Variants in CEP170B observed in about 807,000 individuals in gnomAD.
CEP170B encodes centrosomal protein of 170 kDa protein B.
Under a neutral mutation model 120.6 loss-of-function variants are expected in CEP170B, and 55 were observed. The ratio of observed to expected loss-of-function variants is 0.46; its 90% CI spans 0.37 to 0.57. CEP170B has a LOEUF of 0.57. Among genes scored for constraint, CEP170B ranks in the 20% least tolerant of loss-of-function variants. The pLI, the probability that CEP170B is intolerant of heterozygous loss-of-function variation, is 0.00. For synonymous variants in CEP170B, 1,033 were observed against 954.5 expected (o/e 1.08, Z -1.52); for missense variants, 2,212 against 2,253.3 (o/e 0.98, Z 0.37).
In CEP170B at chr14:104,884,515, C is replaced by T. The variant is rs201146556; in HGVS notation, c.1736C>T (p.Thr579Met). 185 of 1,564,322 alleles carry T rather than the reference C, an allele frequency of 1.2e-4. 1 individual carries two copies. The highest frequency in any genetic ancestry group is 3.4e-4 in the Middle Eastern group (2 of 5,934). ...ACCATCGAGACCGAGGCGCAGGACA[C>T]GGAGGTGGAGGAGGCCCGGAAGATG... is the stretch of plus-strand genomic sequence containing the variant. ...TYTIETEAQD[T>M]EVEEARKMID... Residue 579 changes from threonine (T) to methionine (M), a missense_variant, in exon 9 of 19, where the codon ACG (threonine) becomes ATG (methionine). Thr to Met is a moderately conservative substitution (Grantham distance 81). Transcript: ENST00000414716.
intron 3 of CEP170B, 49 bp from the exon 4 acceptor site, chr14:104,877,836 A>AGCCCCCCCCCCCCCC: frequency 4.2e-6 from 1 of 237,070 alleles, no homozygotes; most frequent in Non-Finnish European, 6.7e-6. Flanking sequence ...GCCCACAGCC[A>AGCCCCCCCCCCCCCC]CCCACCCGCG....
chr14:104,895,022 A>G lies in CEP170B; in HGVS notation c.*64A>G, dbSNP rs901090894. On this transcript the variant is annotated 3_prime_UTR_variant, in exon 19 of 19. Transcript: ENST00000414716. Reference sequence around the variant, plus strand: ...CGTCTCTGCCTTCCGTCCGCCGCACACCCGCCTGCCTGGCCGCAGGTGGTT... The same window carrying G: ...CGTCTCTGCCTTCCGTCCGCCGCACGCCCGCCTGCCTGGCCGCAGGTGGTT... The G allele has an allele frequency of 6.9e-6, 10 of 1,440,792 alleles. No homozygotes were observed. The highest frequency in any genetic ancestry group is 9.2e-6 in the Non-Finnish European group (10 of 1,091,312). 89.3% of individuals were successfully genotyped at this position (1,440,792 alleles called of 1,614,324 possible).
chr14:104,886,283 C>T lies in CEP170B; in HGVS notation c.2044C>T (p.Leu682=), dbSNP rs746226145. 3.2e-6 allele frequency: 5 copies of T among 1,539,390 alleles called. No homozygotes were observed. Among genetic ancestry groups the T allele is most frequent in the Non-Finnish European group, 4.4e-6 (5 of 1,148,750 alleles). Reference sequence around the variant, plus strand: ...GCCTTTGTGCTCCACAGAGGATGGCCTGGGACGTAGAGGCGGGGAGCCGGA... The same window carrying T: ...GCCTTTGTGCTCCACAGAGGATGGCTTGGGACGTAGAGGCGGGGAGCCGGA... The part of the protein sequence containing the change: ...YSDPGLTEDG[L]GRRGGEPEGS... The change falls in exon 12 of 19, where the codon CTG becomes TTG. Residue 682 remains leucine, a synonymous_variant. Transcript: ENST00000414716.
intron 2 of CEP170B, among the ~76,000 whole-genome samples, chr14:104,873,462 G>A (rs1252112393): frequency 6.6e-6 from 1 of 152,076 alleles, no homozygotes; most frequent in Non-Finnish European, 1.5e-5. Context: ...TTTGGGGCCT[G>A]CGGGAAAGGG....
intron 8 of CEP170B, 21 bp from the exon 9 acceptor site, chr14:104,883,810 G>A (rs1595340334): frequency 6.6e-7 from 1 of 1,514,256 alleles, no homozygotes; most frequent in Non-Finnish European, 8.9e-7. Context: ...CTGACAAGGT[G>A]GGGTCCCCTG....
At chr14:104,879,629 A>G (rs1896038873) in intron 5 of CEP170B, among the ~76,000 whole-genome samples, 1 of 152,060 alleles carries the variant, frequency 6.6e-6, no homozygotes, top group African/African-American at 2.4e-5. Flanking sequence ...CAGCACATTG[A>G]TGAGGCCGCC....
At chr14:104,878,414 GCT>G in intron 4 of CEP170B, 27 bp from the exon 5 acceptor site, 1 of 1,610,104 alleles carries the variant, frequency 6.2e-7, no homozygotes, top group Non-Finnish European at 8.5e-7. Context: ...TGGCTCTTCT[GCT>G]CTGTGTTCGC....
rs371000297 is a variant in CEP170B at position 104,882,877 on chromosome 14, G to A, written c.577+45G>A. The A allele has an allele frequency of 1.0e-4, 166 of 1,582,550 alleles. No individual in the cohort carries two copies. In the African/African-American group the frequency reaches 2.1e-3, roughly 20 times the overall value. On this transcript the variant is annotated intron_variant, in intron 7 of 18. Coordinates refer to ENST00000414716, the MANE Select transcript of CEP170B (RefSeq NM_001112726.3). ...TGGTGAGACCCTGAGGGCTCCCAGA[G>A]GGTGGTGTGTGAAGGGGATGGCCTG...
intron 13 of CEP170B, 73 bp downstream of exon 13, chr14:104,889,831 G>A (rs1243605165): frequency 8.6e-6 from 13 of 1,503,078 alleles, no homozygotes; most frequent in Non-Finnish European, 1.2e-5. Flanking sequence ...CTGAGGGCAG[G>A]GACCAGGCTG....
In CEP170B at chr14:104,889,681, G is replaced by T. The variant is rs939565996; in HGVS notation, c.3801G>T (p.Arg1267=). ...CTCGTTCCCGGGCCCCCGGCCCCCGGGACACGGACGACGATGAGGAGGAGC... is the reference window on the plus strand; with the variant it reads ...CTCGTTCCCGGGCCCCCGGCCCCCGTGACACGGACGACGATGAGGAGGAGC... ...SRARSRAPGP[R]DTDDDEEEPD... The change falls in exon 13 of 19, where the codon CGG becomes CGT. Residue 1267 remains arginine (R), a synonymous_variant. Transcript: ENST00000414716. 6.2e-7 allele frequency: 1 copy of T among 1,612,134 alleles called. No homozygotes were observed. Among genetic ancestry groups the T allele is most frequent in the African/African-American group, 1.3e-5 (1 of 74,994 alleles).
At chr14:104,875,813 A>G (rs1895816868) in intron 2 of CEP170B, among the ~76,000 whole-genome samples, 1 of 152,152 alleles carries the variant, frequency 6.6e-6, no homozygotes, top group Non-Finnish European at 1.5e-5. Flanking sequence ...AAGGGTCGGC[A>G]GCACTTGGAG....
chr14:104,884,703 T>C (rs9788511), intron 9 of CEP170B, among the ~76,000 whole-genome samples, 154 bp downstream of exon 9: 390 of 3,122 alleles, frequency 0.12, 66 homozygotes, highest in South Asian at 0.4. Context: ...GGGGTGGAGG[T>C]GATGCCGGGG....
At chr14:104,886,007 C>G in intron 10 of CEP170B, 33 bp from the exon 11 acceptor site, 1 of 1,500,026 alleles carries the variant, frequency 6.7e-7, no homozygotes, top group Non-Finnish European at 8.9e-7. Context: ...GTTGGGCTTG[C>G]GTGTGGAAAC....
intron 6 of CEP170B, 124 bp from the exon 7 acceptor site, chr14:104,882,604 G>A (rs1196360261): frequency 2.8e-6 from 2 of 706,274 alleles, no homozygotes; most frequent in Non-Finnish European, 4.6e-6. Flanking sequence ...GCTGCCACAG[G>A]GCCAAGCTGG....
intron 3 of CEP170B, 116 bp from the exon 4 acceptor site, chr14:104,877,769 C>T (rs531644166): frequency 3.7e-5 from 25 of 678,866 alleles, no homozygotes; most frequent in African/African-American, 3.6e-4. Context: ...AGAGTTGGTG[C>T]CCCCGCGGCC....
Position 104,896,710 on chromosome 14 carries a change from G to C in CEP170B, c.*1752G>C. ...TGGTTATTTTATATGATTTGTCATG[G>C]AATTTGTTCTAATAAATCATTCTTC... On this transcript the variant is annotated 3_prime_UTR_variant, in exon 19 of 19. Transcript: ENST00000414716. 1 of 455,450 alleles carries C rather than the reference G, an allele frequency of 2.2e-6. No homozygotes were observed. 28.2% of individuals were successfully genotyped at this position (455,450 alleles called of 1,614,324 possible).
intron 2 of CEP170B, among the ~76,000 whole-genome samples, chr14:104,869,868 A>G (rs1895384204): frequency 6.6e-6 from 1 of 152,128 alleles, no homozygotes; most frequent in Admixed American, 6.5e-5. Context: ...CCATTTCCAC[A>G]TTACTCAGGA....
chr14:104,890,552 A>AGATG (rs1896782079), intron 13 of CEP170B, among the ~76,000 whole-genome samples: 9 of 10,150 alleles, frequency 8.9e-4, no homozygotes, highest in African/African-American at 3.7e-3. Context: ...ATGGGTGAGT[A>AGATG]GGTGGGTGGG....
At chr14:104,882,619 T>A in intron 6 of CEP170B, 109 bp from the exon 7 acceptor site, 1 of 773,524 alleles carries the variant, frequency 1.3e-6, no homozygotes, top group Non-Finnish European at 2.0e-6. Flanking sequence ...AGCTGGGAGG[T>A]GATGCCAGGG....
Sources: allele counts gnomAD v4.1 joint callset (sites outside exome capture counted in the v4.1 genomes callset), GRCh38; gene constraint gnomAD v4.1.1; transcripts MANE v1.5; gene names NCBI Gene and HGNC (gene_info 2026-07-23, HGNC 2026-07-21).